SMC3: variants seen among roughly 807,000 people sequenced by gnomAD.
The protein encoded by SMC3 is structural maintenance of chromosomes protein 3.
In SMC3, 20 loss-of-function variants were observed where a neutral mutation model predicts 171.8. The ratio of observed to expected loss-of-function variants is 0.12; its 90% confidence interval spans 0.08 to 0.17. SMC3 has a LOEUF of 0.17. SMC3 is among the 10% of genes least tolerant of loss of function. The probability of loss-of-function intolerance (pLI) is 1.00; values close to 1 mark genes in which losing one functional copy is unlikely to be tolerated. For synonymous variants in SMC3, 464 were observed against 451.1 expected (o/e 1.03, Z -0.36); for missense variants, 543 against 1,420.4 (o/e 0.38, Z 9.93).
intron 2 of SMC3, among the ~76,000 whole-genome samples, chr10:110,570,285 G>T (rs145086597): frequency 6.6e-6 from 1 of 152,338 alleles, no homozygotes; most frequent in African/African-American, 2.4e-5. Context: ...TCTGTGGTGC[G>T]TGGGTGAGAT....
intron 13 of SMC3, among the ~76,000 whole-genome samples, chr10:110,585,132 C>T (rs1328882352): frequency 1.3e-5 from 2 of 151,966 alleles, no homozygotes; most frequent in African/African-American, 2.4e-5. Flanking sequence ...AGGCATGCAC[C>T]ACCAAGCCCA....
In SMC3 at chr10:110,584,387, G is replaced by A. The variant is rs774923844; in HGVS notation, c.1296G>A (p.Glu432=). The A allele has an allele frequency of 1.2e-6, 2 of 1,609,868 alleles. No individual in the cohort carries two copies. The highest frequency in any genetic ancestry group is 2.2e-5 in the South Asian group (2 of 90,910). Residue 432 remains glutamate (E), a synonymous_variant, in exon 13 of 29, where the codon GAG becomes GAA. Coordinates refer to ENST00000361804, the MANE Select transcript of SMC3 (RefSeq NM_005445.4). ...DTEANKEKNL[E]QYNKLDQDLN... ...AAGCAAATAAAGAGAAAAATCTGGA[G>A]CAGTATAATGTAAGAACTTCTATAG...
intron 16 of SMC3, 141 bp from the exon 17 acceptor site, chr10:110,590,850 T>A: frequency 2.5e-6 from 2 of 785,802 alleles, no homozygotes; most frequent in Non-Finnish European, 4.2e-6. Context: ...TGTTTGATGC[T>A]TAAGTGTTTA....
chr10:110,603,414 TAAAG>T (rs939044256), intron 28 of SMC3, 124 bp downstream of exon 28: 9 of 678,742 alleles, frequency 1.3e-5, no homozygotes, highest in African/African-American at 1.1e-4. Flanking sequence ...GATGTCTTTG[TAAAG>T]AAAGAACTTT....
At chr10:110,573,177 C>T (rs1042864549) in intron 2 of SMC3, among the ~76,000 whole-genome samples, 3 of 151,830 alleles carry the variant, frequency 2.0e-5, no homozygotes, top group African/African-American at 7.3e-5. Flanking sequence ...GATTTGATAC[C>T]CTTTTACGTA....
intron 16 of SMC3, 145 bp from the exon 17 acceptor site, chr10:110,590,846 A>T (rs1273706361): frequency 1.3e-6 from 1 of 771,526 alleles, no homozygotes; most frequent in Non-Finnish European, 2.1e-6. Flanking sequence ...AAACTGTTTG[A>T]TGCTTAAGTG....
At chr10:110,597,245 C>T (rs939042110) in intron 19 of SMC3, among the ~76,000 whole-genome samples, 2 of 149,926 alleles carry the variant, frequency 1.3e-5, no homozygotes, top group African/African-American at 4.9e-5. Context: ...AAATGGCTGT[C>T]AGATAACCAA....
chr10:110,583,281 G>T, intron 10 of SMC3, 103 bp from the exon 11 acceptor site: 1 of 927,482 alleles, frequency 1.1e-6, no homozygotes, highest in Non-Finnish European at 1.7e-6. Flanking sequence ...AATATTGAAA[G>T]GACAGAGTAT....
chr10:110,591,741 T>C (rs1861207699), intron 17 of SMC3, among the ~76,000 whole-genome samples: 1 of 152,198 alleles, frequency 6.6e-6, no homozygotes. Context: ...TCAACTGTTT[T>C]ACCATCCTCT....
intron 18 of SMC3, among the ~76,000 whole-genome samples, chr10:110,595,917 C>CTTTTTTTTTTTT: frequency 9.8e-6 from 1 of 101,608 alleles, no homozygotes; most frequent in Non-Finnish European, 1.8e-5. Context: ...ACTGGAGGTT[C>CTTTTTTTTTTTT]TTTTTTTTTT....
chr10:110,585,089 T>G (rs1179808954), intron 13 of SMC3, among the ~76,000 whole-genome samples: 1 of 152,058 alleles, frequency 6.6e-6, no homozygotes, highest in Non-Finnish European at 1.5e-5. Context: ...TTCGGCTCAC[T>G]GCAACCTCAG....
At chr10:110,598,441 G>A (rs1861334362) in intron 20 of SMC3, 151 bp downstream of exon 20, 3 of 794,370 alleles carry the variant, frequency 3.8e-6, no homozygotes, top group Non-Finnish European at 6.1e-6. Flanking sequence ...GTCTCTTTCT[G>A]TCTCACCCAG....
Position 110,582,596 on chromosome 10 carries a change from C to A in SMC3, c.758C>A (p.Ser253Tyr). 2 of 1,613,474 alleles carry A rather than the reference C, an allele frequency of 1.2e-6. No homozygotes were observed. The highest frequency in any genetic ancestry group is 1.7e-6 in the Non-Finnish European group (2 of 1,179,590). The change falls in exon 10 of 29, where the codon TCC becomes TAC. Residue 253 changes from serine to tyrosine, a missense_variant. By Grantham distance (144) the Ser-to-Tyr change is moderately radical (BLOSUM62 -2). Around this residue, in one of 8 missense-constraint regions of SMC3, gnomAD observed 146 missense variants for 437.9 expected, o/e 0.33. Coordinates refer to ENST00000361804, the MANE Select transcript of SMC3 (RefSeq NM_005445.4). ...SAKRETSGEK[S>Y]RQLRDAQQDA... ...AAGCGAGAGACTAGTGGAGAAAAAT[C>A]CAGACAATTAAGAGATGCTCAGCAG...
chr10:110,590,636 T>A lies in SMC3; in HGVS notation c.1670+64T>A. The A allele has an allele frequency of 8.9e-6, 12 of 1,350,180 alleles. No individual in the cohort carries two copies. In the South Asian group the frequency reaches 1.4e-4, roughly 16 times the overall value. 83.6% of individuals were successfully genotyped at this position (1,350,180 alleles called of 1,614,324 possible). ...GGGAATAAGAATAGCTTAAACAACT[T>A]TTGTAGTTTTTGTACAACATATCTT... On this transcript the variant is annotated intron_variant, in intron 16 of 28. Transcript: ENST00000361804.
chr10:110,604,094 C>CAAAAAAAAA (rs57491050), intron 28 of SMC3, 137 bp from the exon 29 acceptor site: 7 of 230,214 alleles, frequency 3.0e-5, no homozygotes, highest in Admixed American at 7.3e-5. Flanking sequence ...GACTCCATCT[C>CAAAAAAAAA]AAAAAAAAAA....
rs1861068558 is a variant in SMC3 at position 110,583,891 on chromosome 10, G to A, written c.1020G>A (p.Lys340=). 3.7e-6 allele frequency: 6 copies of A among 1,613,128 alleles called. No individual in the cohort carries two copies. Among genetic ancestry groups the A allele is most frequent in the Non-Finnish European group, 5.1e-6 (6 of 1,179,520 alleles). Reference sequence around the variant, plus strand: ...AGCTGCTTGAAAAAATAGAAGAAAAGCAGAAAGAACTGGCAGAAACAGAAC... The same window carrying A: ...AGCTGCTTGAAAAAATAGAAGAAAAACAGAAAGAACTGGCAGAAACAGAAC... ...RQKLLEKIEE[K]QKELAETEPK... is the part of the protein sequence containing the mutation. The change falls in exon 12 of 29, where the codon AAG becomes AAA. Residue 340 remains lysine (K), a synonymous_variant. Transcript: ENST00000361804.
At chr10:110,570,040 A>AT (rs550179400) in intron 2 of SMC3, among the ~76,000 whole-genome samples, 4 of 151,990 alleles carry the variant, frequency 2.6e-5, no homozygotes, top group Admixed American at 6.6e-5. Context: ...TAAACAAGAT[A>AT]TTTTTTTTCT....
chr10:110,599,950 A>G (rs1391508013), intron 21 of SMC3, 138 bp downstream of exon 21: 6 of 800,126 alleles, frequency 7.5e-6, no homozygotes, highest in South Asian at 3.1e-5. Flanking sequence ...TAATATACAT[A>G]GGAGTAAATA....
intron 7 of SMC3, 105 bp downstream of exon 7, chr10:110,578,811 G>A (rs907331258): frequency 4.8e-6 from 4 of 832,358 alleles, no homozygotes; most frequent in South Asian, 1.5e-5. Context: ...AGCAAAAATG[G>A]CCATATTCTT....
Sources: allele counts gnomAD v4.1 joint callset (sites outside exome capture counted in the v4.1 genomes callset), GRCh38; gene constraint gnomAD v4.1.1; regional missense constraint gnomAD v4.1.1; transcripts MANE v1.5; gene names NCBI Gene and HGNC (gene_info 2026-07-23, HGNC 2026-07-21).